The following NEDD4 variants were observed in gnomAD, a reference collection of about 807,000 sequenced individuals.
NEDD4 encodes the protein NEDD4 E3 ubiquitin protein ligase.
Under a neutral mutation model 144.9 loss-of-function variants are expected in NEDD4, and 99 were observed. That is an observed-to-expected ratio of 0.68 (90% CI 0.58 to 0.81). The LOEUF is 0.81. Among genes scored for constraint, NEDD4 ranks in the 30% least tolerant of loss-of-function variants. The pLI, the probability that NEDD4 is intolerant of heterozygous loss-of-function variation, is 0.00. For synonymous variants in NEDD4, 318 were observed against 350.6 expected (o/e 0.91, Z 1.04); for missense variants, 985 against 1,065.9 (o/e 0.92, Z 1.06).
chr15:55,830,028 A>G, intron 28 of NEDD4, 29 bp from the exon 29 acceptor site: 1 of 1,529,670 alleles, frequency 6.5e-7, no homozygotes, highest in Non-Finnish European at 9.0e-7. Context: ...AGTGGTTATG[A>G]AAGACACTGA....
intron 4 of NEDD4, among the ~76,000 whole-genome samples, chr15:55,930,733 G>A (rs1185359380): frequency 1.3e-5 from 2 of 152,138 alleles, no homozygotes; most frequent in Non-Finnish European, 1.5e-5. Flanking sequence ...CTGTTCTCCT[G>A]GTAATGAATA....
At chr15:55,916,187 A>C (rs751063547) in intron 5 of NEDD4, 29 of 1,613,862 alleles carry the variant, frequency 1.8e-5, no homozygotes, top group Non-Finnish European at 2.3e-5. Flanking sequence ...TGTTTGGCAC[A>C]CTTCTATTGG....
At chr15:55,923,829 A>AC in intron 5 of NEDD4, among the ~76,000 whole-genome samples, 2 of 143,692 alleles carry the variant, frequency 1.4e-5, no homozygotes, top group Non-Finnish European at 3.1e-5. Flanking sequence ...CTAAAAACAG[A>AC]CTTTTTTTTA....
At chr15:55,910,945 A>G (rs1261720464) in intron 5 of NEDD4, among the ~76,000 whole-genome samples, 2 of 152,048 alleles carry the variant, frequency 1.3e-5, no homozygotes, top group East Asian at 3.9e-4. Flanking sequence ...CTACTTAACT[A>G]TCAGCCGAAG....
chr15:55,960,965 A>T (rs1022166796), intron 2 of NEDD4, among the ~76,000 whole-genome samples: 11 of 152,174 alleles, frequency 7.2e-5, no homozygotes, highest in African/African-American at 2.2e-4. Flanking sequence ...TAAGTAATAA[A>T]CTGCTGTTAT....
At chr15:55,981,719 G>A (rs961129119) in intron 1 of NEDD4, among the ~76,000 whole-genome samples, 1 of 152,168 alleles carries the variant, frequency 6.6e-6, no homozygotes, top group Non-Finnish European at 1.5e-5. Context: ...ACATCACATG[G>A]AAATTTGTTA....
At chr15:55,911,655 G>A (rs546951073) in intron 5 of NEDD4, among the ~76,000 whole-genome samples, 3 of 151,582 alleles carry the variant, frequency 2.0e-5, no homozygotes, top group Non-Finnish European at 2.9e-5. Context: ...TCAGCCTCCC[G>A]TGTAGCTGGG....
intron 18 of NEDD4, 21 bp downstream of exon 18, chr15:55,846,948 T>C: frequency 6.8e-7 from 1 of 1,461,814 alleles, no homozygotes; most frequent in Non-Finnish European, 9.6e-7. Flanking sequence ...CTCTTAAGTA[T>C]TTATTATAAA....
chr15:55,909,299 G>C (rs554640805), intron 5 of NEDD4, among the ~76,000 whole-genome samples: 2 of 152,226 alleles, frequency 1.3e-5, no homozygotes, highest in South Asian at 4.1e-4. Flanking sequence ...CCAACAGTTC[G>C]CTTCAATCTT....
At position 55,887,218 on chromosome 15, in the gene NEDD4, T is replaced by C. The variant is rs1002223935; in HGVS notation, c.292-13210A>G. 2.6e-5 allele frequency among the ~76,000 whole-genome samples: 4 copies of C among 151,622 alleles called. No homozygotes were observed. In the South Asian group the frequency reaches 6.2e-4, roughly 24 times the overall value. ...AGACCAACAAAAAGAAGTTGGTTTT[T>C]AAAAAAAGATAAACAAAATTAACAA... On this transcript the variant is annotated intron_variant, in intron 5 of 28. Transcript: ENST00000435532.
chr15:55,901,718 A>C (rs1251486558), intron 5 of NEDD4, among the ~76,000 whole-genome samples: 1 of 148,190 alleles, frequency 6.7e-6, no homozygotes, highest in Non-Finnish European at 1.5e-5. Context: ...ATAATTACAT[A>C]TATGATTCCA....
chr15:55,982,840 G>A (rs573041218), intron 1 of NEDD4, among the ~76,000 whole-genome samples: 20 of 152,168 alleles, frequency 1.3e-4, no homozygotes, highest in Admixed American at 2.0e-4. Flanking sequence ...TAAATTCTAG[G>A]GCTGGGGGTG....
intron 5 of NEDD4, among the ~76,000 whole-genome samples, chr15:55,895,671 G>T (rs1247548454): frequency 1.3e-5 from 2 of 152,180 alleles, no homozygotes; most frequent in Non-Finnish European, 2.9e-5. Context: ...TATAATGTGT[G>T]AGAATTTGCA....
At chr15:55,877,058 A>G (rs945953809) in intron 5 of NEDD4, among the ~76,000 whole-genome samples, 2 of 152,120 alleles carry the variant, frequency 1.3e-5, no homozygotes, top group Non-Finnish European at 2.9e-5. Context: ...AAATACTGCG[A>G]GAGAATCCTC....
At chr15:55,880,022 T>G (rs4480735) in intron 5 of NEDD4, among the ~76,000 whole-genome samples, 152,333 of 152,334 alleles carry the variant, frequency 1, 76,166 homozygotes, top group Non-Finnish European at 1. Context: ...GGGCATGGTG[T>G]CTCATGCCTG....
chr15:55,978,260 T>C (rs1302640299), intron 1 of NEDD4, among the ~76,000 whole-genome samples: 2 of 152,224 alleles, frequency 1.3e-5, no homozygotes, highest in Non-Finnish European at 2.9e-5. Context: ...ACCTTTCTCC[T>C]TGCATTTCCC....
chr15:55,924,626 A>T lies in NEDD4; in HGVS notation c.291+20T>A. The T allele has an allele frequency of 1.3e-6, 2 of 1,597,634 alleles. No homozygotes were observed. The highest frequency in any genetic ancestry group is 1.7e-6 in the Non-Finnish European group (2 of 1,170,262). Reference sequence around the variant, plus strand: ...AATGTACCCTTACTTCATATTTCATATAAGCACAATATAACTTACCAATCG... The same window carrying T: ...AATGTACCCTTACTTCATATTTCATTTAAGCACAATATAACTTACCAATCG... On this transcript the variant is annotated intron_variant, in intron 5 of 28. Transcript: ENST00000435532.
At chr15:55,917,226 A>G in intron 5 of NEDD4, 1 of 907,814 alleles carries the variant, frequency 1.1e-6, no homozygotes, top group South Asian at 4.8e-5. Flanking sequence ...TAACATTTCA[A>G]GTTGAAACAG....
intron 5 of NEDD4, among the ~76,000 whole-genome samples, chr15:55,903,864 A>ATG (rs1272335535): frequency 1.3e-5 from 2 of 149,184 alleles, no homozygotes; most frequent in Non-Finnish European, 3.0e-5. Flanking sequence ...ATATATATAT[A>ATG]TATACACACA....
Sources: allele counts gnomAD v4.1 joint callset (sites outside exome capture counted in the v4.1 genomes callset), GRCh38; gene constraint gnomAD v4.1.1; transcripts MANE v1.5; gene names NCBI Gene and HGNC (gene_info 2026-07-23, HGNC 2026-07-21).